NGEF: variants seen among roughly 807,000 people sequenced by gnomAD.
NGEF encodes ephexin-1.
Under a neutral mutation model 80.9 loss-of-function variants are expected in NGEF, and 31 were observed. That is an observed-to-expected ratio of 0.38 (90% confidence interval 0.29 to 0.52). The LOEUF (loss-of-function observed/expected upper bound fraction) is 0.52. Ranked by LOEUF, NGEF falls within the 20% of genes least tolerant of loss-of-function variation. NGEF has a pLI of 0.84. For missense variants in NGEF, 709 were observed against 926.2 expected, an observed-to-expected ratio of 0.77 and a Z score of 3.04; for synonymous variants, 371 against 370.2, an observed-to-expected ratio of 1.00 and a Z score of -0.03.
At chr2:232,982,521 C>A (rs1181622015) in intron 1 of NGEF, among the ~76,000 whole-genome samples, 2 of 152,050 alleles carry the variant, frequency 1.3e-5, no homozygotes, top group Non-Finnish European at 2.9e-5. Context: ...TTGTCTTGGG[C>A]CTTTTTTTTG....
At chr2:232,968,252 CT>C (rs991040480) in intron 3 of NGEF, among the ~76,000 whole-genome samples, 4 of 151,492 alleles carry the variant, frequency 2.6e-5, no homozygotes, top group African/African-American at 9.7e-5. Flanking sequence ...CCATGCCTGG[CT>C]AATTTTGTAT....
chr2:232,976,956 G>A (rs1436413103), intron 1 of NGEF, among the ~76,000 whole-genome samples: 2 of 152,220 alleles, frequency 1.3e-5, no homozygotes, highest in Non-Finnish European at 2.9e-5. Context: ...GGATTGTGCG[G>A]TGGCTGGGAG....
At chr2:232,940,902 G>A (rs953423455) in intron 3 of NGEF, among the ~76,000 whole-genome samples, 1 of 152,182 alleles carries the variant, frequency 6.6e-6, no homozygotes, top group African/African-American at 2.4e-5. Flanking sequence ...TGGCCAAGGG[G>A]TTCACCTTGC....
rs569991118 is a variant in NGEF at position 233,007,174 on chromosome 2, G to A, written c.-75+5894C>T. ...TGGGAGGATCGCTTGAGCCTGAGAG[G>A]TCAAGGGTGCAATGAGCCATGATCC... is the stretch of plus-strand genomic sequence containing the variant. On this transcript the variant is annotated intron_variant, in intron 1 of 14. Transcript: ENST00000264051. Among the ~76,000 whole-genome samples the A allele has an allele frequency of 5.6e-4, 85 of 152,246 alleles. No homozygotes were observed. In the South Asian group the frequency reaches 8.1e-3, roughly 14 times the overall value.
Position 232,888,045 on chromosome 2 carries a change from C to G in NGEF, c.1335G>C (p.Lys445Asn). 6.2e-7 allele frequency: 1 copy of G among 1,613,966 alleles called. No individual in the cohort carries two copies. The highest frequency in any genetic ancestry group is 8.5e-7 in the Non-Finnish European group (1 of 1,179,818). ...AGGTGAGACTCACCATTTCCAGCTCCTTGTGAGCATCCAAAGCAGTGCACT... is the reference window on the plus strand; with the variant it reads ...AGGTGAGACTCACCATTTCCAGCTCGTTGTGAGCATCCAAAGCAGTGCACT... ...ERECTALDAH[K>N]ELEMVVKACN... Residue 445 changes from lysine (K) to asparagine (N), a missense_variant, in exon 9 of 15, where the codon AAG becomes AAC. Coordinates refer to ENST00000264051, the MANE Select transcript of NGEF (RefSeq NM_019850.3).
Position 232,890,954 on chromosome 2 carries a change from G to C in NGEF, c.1272+404C>G, listed in dbSNP as rs4973565. The C allele has an allele frequency of 1.4e-4, 65 of 472,816 alleles. 1 individual carries two copies. In the Admixed American group the frequency reaches 1.5e-3, roughly 11 times the overall value. The allele number at this position is 472,816 out of a possible 1,614,324, so 29.3% of individuals were successfully genotyped here. A position where few individuals can be genotyped will look rare whatever the true frequency, so the allele number is the denominator to read the frequency against. On this transcript the variant is annotated intron_variant, in intron 8 of 14. Coordinates refer to ENST00000264051, the MANE Select transcript of NGEF (RefSeq NM_019850.3). ...TGAACCTTGCAGTCTTGGGGCCTTTGCACAAGCGGTTCCCTCTGCGTGGAA... is the reference window on the plus strand; with the variant it reads ...TGAACCTTGCAGTCTTGGGGCCTTTCCACAAGCGGTTCCCTCTGCGTGGAA...
chr2:232,922,858 TC>T (rs1559209931), intron 4 of NGEF, among the ~76,000 whole-genome samples: 1 of 152,014 alleles, frequency 6.6e-6, no homozygotes, highest in Non-Finnish European at 1.5e-5. Context: ...TCACTTGAGG[TC>T]AGGAGTTCGA....
At chr2:232,932,522 C>G (rs1693237277) in intron 3 of NGEF, among the ~76,000 whole-genome samples, 1 of 152,084 alleles carries the variant, frequency 6.6e-6, no homozygotes, top group African/African-American at 2.4e-5. Context: ...TAGCATGTGC[C>G]TCAAAACTCT....
intron 3 of NGEF, among the ~76,000 whole-genome samples, chr2:232,960,997 A>ACCC (rs1448524921): frequency 6.6e-6 from 1 of 152,130 alleles, no homozygotes; most frequent in African/African-American, 2.4e-5. Flanking sequence ...TTCTGCAATG[A>ACCC]TTGTGCTTTC....
At chr2:232,982,789 C>T (rs1338878808) in intron 1 of NGEF, among the ~76,000 whole-genome samples, 2 of 152,252 alleles carry the variant, frequency 1.3e-5, no homozygotes, top group African/African-American at 2.4e-5. Flanking sequence ...GCTGGGATTA[C>T]AGGCTTGAGC....
At chr2:232,928,131 G>A (rs959522017) in intron 3 of NGEF, 37 of 996,518 alleles carry the variant, frequency 3.7e-5, no homozygotes, top group East Asian at 3.2e-4. Flanking sequence ...TGCAGCCGCC[G>A]CCGCCACCGC....
At chr2:232,947,061 G>T (rs1305095178) in intron 3 of NGEF, among the ~76,000 whole-genome samples, 1 of 152,176 alleles carries the variant, frequency 6.6e-6, no homozygotes, top group Admixed American at 6.5e-5. Context: ...TAAAAGCCAT[G>T]GTTGAAAGGC....
chr2:232,936,246 A>C (rs1266889436), intron 3 of NGEF, among the ~76,000 whole-genome samples: 1 of 152,176 alleles, frequency 6.6e-6, no homozygotes, highest in Non-Finnish European at 1.5e-5. Flanking sequence ...GGAGGTGGAG[A>C]TTTTTCCTTA....
chr2:232,969,469 C>CCTTT (rs1553555887), intron 3 of NGEF, among the ~76,000 whole-genome samples: 2 of 93,796 alleles, frequency 2.1e-5, no homozygotes, highest in East Asian at 3.2e-4. Flanking sequence ...TTCCTTCCTT[C>CCTTT]CTTCTTCCTT....
intron 5 of NGEF, among the ~76,000 whole-genome samples, chr2:232,906,767 A>C (rs1457520118): frequency 6.6e-6 from 1 of 151,398 alleles, no homozygotes; most frequent in Non-Finnish European, 1.5e-5. Context: ...AAAGATTGAG[A>C]AATCGGATGG....
chr2:233,009,760 G>A (rs1174334253), intron 1 of NGEF, among the ~76,000 whole-genome samples: 2 of 152,180 alleles, frequency 1.3e-5, no homozygotes, highest in Admixed American at 6.5e-5. Flanking sequence ...GCCACCAGGT[G>A]CAGGGTGCAG....
chr2:232,881,988 T>A (rs951587039), intron 13 of NGEF, among the ~76,000 whole-genome samples, 198 bp downstream of exon 13: 1 of 152,214 alleles, frequency 6.6e-6, no homozygotes, highest in African/African-American at 2.4e-5. Flanking sequence ...CCATCCAGCA[T>A]TCACACAGTG....
chr2:232,971,773 C>A (rs1242629510), intron 2 of NGEF, among the ~76,000 whole-genome samples: 1 of 152,230 alleles, frequency 6.6e-6, no homozygotes, highest in Non-Finnish European at 1.5e-5. Context: ...ACTGTTCTGT[C>A]TATCTGGTGT....
chr2:232,982,593 A>G (rs1173527769), intron 1 of NGEF, among the ~76,000 whole-genome samples: 1 of 152,136 alleles, frequency 6.6e-6, no homozygotes, highest in Non-Finnish European at 1.5e-5. Context: ...AGCTAACTGC[A>G]ACCTCCACCT....
Sources: allele counts gnomAD v4.1 joint callset (sites outside exome capture counted in the v4.1 genomes callset), GRCh38; gene constraint gnomAD v4.1.1; transcripts MANE v1.5; gene names NCBI Gene and HGNC (gene_info 2026-07-23, HGNC 2026-07-21).